Variants in PHYKPL observed in about 807,000 individuals in gnomAD.
PHYKPL encodes the protein 5-phosphohydroxy-L-lysine phospho-lyase, also known as 5-phosphonooxy-L-lysine phospho-lyase.
PHYKPL carries 42 observed loss-of-function variants against 51.3 expected under a neutral mutation model. The observed-to-expected ratio is 0.82, with a 90% CI of 0.64 to 1.06. The LOEUF (loss-of-function observed/expected upper bound fraction) is 1.06. Among genes scored for constraint, PHYKPL ranks in the 50% least tolerant of loss-of-function variants. The pLI is 0.00. For missense variants in PHYKPL, 655 were observed against 586.6 expected, an observed-to-expected ratio of 1.12 and a Z score of -1.20; for synonymous variants, 264 against 236.0, an observed-to-expected ratio of 1.12 and a Z score of -1.09.
intron 8 of PHYKPL, among the ~76,000 whole-genome samples, chr5:178,221,055 A>C (rs1345838490): frequency 6.6e-6 from 1 of 152,192 alleles, no homozygotes; most frequent in African/African-American, 2.4e-5. Context: ...TGATATTATC[A>C]AGGTCTAAGC....
At chr5:178,211,996 G>A (rs774718499) in intron 11 of PHYKPL, 26 bp from the exon 12 acceptor site, 100 of 1,613,582 alleles carry the variant, frequency 6.2e-5, no homozygotes, top group Non-Finnish European at 8.1e-5. Context: ...AAGCAATGCC[G>A]ACTCAGTCAC....
rs1761875894 is a variant in PHYKPL, at chr5:178,224,465, G to A, written c.601C>T (p.Gln201Ter). The A allele has an allele frequency of 2.5e-6, 4 of 1,595,552 alleles. No homozygotes were observed. The highest frequency in any genetic ancestry group is 3.4e-6 in the Non-Finnish European group (4 of 1,170,204). Residue 201 changes from glutamine (Q) to a stop codon, truncating the protein, a stop_gained, in exon 6 of 13, where the codon CAG (glutamine) becomes TAG (stop). Coordinates refer to ENST00000308158, the MANE Select transcript of PHYKPL (RefSeq NM_153373.4). LOFTEE classifies it high-confidence loss of function. ...ACGGTTACCTTCCTGCCCTTCTCCTGTGCACTGCTGACCACACGTTTCACC... is the reference window on the plus strand; with the variant it reads ...ACGGTTACCTTCCTGCCCTTCTCCTATGCACTGCTGACCACACGTTTCACC... ...NEVKRVVSSAQEKGRKIAAFF... is the reference protein window; with the variant it reads ...NEVKRVVSSA
intron 4 of PHYKPL, chr5:178,224,981 G>A (rs1264949962): frequency 1.8e-6 from 1 of 566,152 alleles, no homozygotes; most frequent in Non-Finnish European, 3.1e-6. Flanking sequence ...GTGAAATGAG[G>A]TGGGATTTCC....
chr5:178,209,662 G>C (rs1170181674), intron 12 of PHYKPL, among the ~76,000 whole-genome samples: 1 of 152,140 alleles, frequency 6.6e-6, no homozygotes, highest in Non-Finnish European at 1.5e-5. Context: ...GCCCAGGGCA[G>C]AGAGAGCATT....
At chr5:178,225,309 T>C in intron 4 of PHYKPL, 46 bp downstream of exon 4, 2 of 1,608,294 alleles carry the variant, frequency 1.2e-6, no homozygotes, top group South Asian at 1.1e-5. Context: ...CCAAGAAGCC[T>C]GTGGGCCAGG....
intron 12 of PHYKPL, 108 bp downstream of exon 12, chr5:178,211,782 A>T: frequency 1.4e-6 from 1 of 709,348 alleles, no homozygotes; most frequent in Non-Finnish European, 2.4e-6. Flanking sequence ...AGCATCAGTC[A>T]GAACAAAAAA....
chr5:178,230,316 A>G (rs1763127186), intron 2 of PHYKPL: 1 of 566,914 alleles, frequency 1.8e-6, no homozygotes, highest in Non-Finnish European at 3.1e-6. Context: ...AAGCCGCTTC[A>G]GCAGAAGAAC....
At chr5:178,232,020 C>T in intron 1 of PHYKPL, 4 of 1,202,552 alleles carry the variant, frequency 3.3e-6, no homozygotes, top group Non-Finnish European at 4.2e-6. Context: ...CCGAGGGCCC[C>T]CTCACAGGTC....
chr5:178,220,220 C>T (rs973834548), intron 8 of PHYKPL, among the ~76,000 whole-genome samples: 1 of 143,898 alleles, frequency 6.9e-6, no homozygotes, highest in Admixed American at 7.0e-5. Context: ...AAAAGAATGC[C>T]GGATGCAGTG....
At chr5:178,231,100 C>A (rs1325465030) in intron 2 of PHYKPL, among the ~76,000 whole-genome samples, 1 of 152,224 alleles carries the variant, frequency 6.6e-6, no homozygotes, top group Non-Finnish European at 1.5e-5. Context: ...GACCCCAGCA[C>A]TTGGCCAGCA....
intron 12 of PHYKPL, chr5:178,210,464 G>T: frequency 1.3e-6 from 2 of 1,495,896 alleles, no homozygotes; most frequent in Non-Finnish European, 1.9e-6. Flanking sequence ...TGTCACGGCT[G>T]GTGAGGGTCC....
chr5:178,222,709 C>T, intron 7 of PHYKPL, 129 bp from the exon 8 acceptor site: 1 of 1,336,256 alleles, frequency 7.5e-7, no homozygotes, highest in Non-Finnish European at 1.0e-6. Flanking sequence ...AATGGCTGGC[C>T]TTCTCTGGGC....
At chr5:178,219,332 A>G (rs1760620170) in intron 8 of PHYKPL, among the ~76,000 whole-genome samples, 1 of 152,170 alleles carries the variant, frequency 6.6e-6, no homozygotes, top group East Asian at 1.9e-4. Flanking sequence ...GTGTTGGTAT[A>G]TACACACACA....
At chr5:178,225,225 G>T in intron 4 of PHYKPL, 130 bp downstream of exon 4, 1 of 1,051,606 alleles carries the variant, frequency 9.5e-7, no homozygotes, top group Non-Finnish European at 1.4e-6. Flanking sequence ...TCCTCTGCCT[G>T]CCACACTTGT....
downstream of PHYKPL, among the ~76,000 whole-genome samples, chr5:178,207,833 G>A (rs1341460715): frequency 1.3e-5 from 2 of 151,508 alleles, no homozygotes; most frequent in African/African-American, 4.9e-5. Flanking sequence ...CTCTCGAGTA[G>A]CTGGGACCAC....
intron 8 of PHYKPL, among the ~76,000 whole-genome samples, chr5:178,218,311 G>A (rs1421714234): frequency 6.6e-6 from 1 of 151,704 alleles, no homozygotes; most frequent in African/African-American, 2.4e-5. Flanking sequence ...GTCCCAGAAG[G>A]AGAGGAAAGG....
chr5:178,231,458 A>C lies in PHYKPL; in HGVS notation c.125T>G (p.Met42Arg), dbSNP rs756840159. ...GTATTCTGCCCCCTGTTCATCGTAC[A>C]TGTACTGCCCTTGGGCCCGGACAAT... ...VKIVRAQGQY[M>R]YDEQGAEYID... Residue 42 changes from methionine (M) to arginine (R), a missense_variant, in exon 2 of 13, where the codon ATG (methionine) becomes AGG (arginine). Transcript: ENST00000308158. The C allele has an allele frequency of 6.2e-7, 1 of 1,614,182 alleles. No individual in the cohort carries two copies. Among genetic ancestry groups the C allele is most frequent in the Admixed American group, 1.7e-5 (1 of 60,018 alleles).
chr5:178,222,777 G>T, intron 7 of PHYKPL, 75 bp downstream of exon 7: 2 of 1,523,688 alleles, frequency 1.3e-6, no homozygotes, highest in East Asian at 2.3e-5. Flanking sequence ...GGCTGAGGTT[G>T]GGATTTGGAC....
intron 8 of PHYKPL, among the ~76,000 whole-genome samples, chr5:178,221,962 A>G (rs1453696626): frequency 6.6e-6 from 1 of 152,200 alleles, no homozygotes; most frequent in Non-Finnish European, 1.5e-5. Flanking sequence ...CCCCAAAGAC[A>G]GGGAGCCACT....
Sources: gnomAD v4.1 joint callset for allele counts (sites outside exome capture counted in the v4.1 genomes callset) on GRCh38, gnomAD v4.1.1 for gene constraint, MANE v1.5 for transcripts, NCBI Gene and HGNC (gene_info 2026-07-23, HGNC 2026-07-21) for gene names.